KATNIP: variants seen among roughly 807,000 people sequenced by gnomAD.
The protein encoded by KATNIP is katanin-interacting protein.
Under a neutral mutation model 174.0 loss-of-function variants are expected in KATNIP, and 126 were observed. That is an observed-to-expected ratio of 0.72 (90% confidence interval 0.63 to 0.84). The LOEUF (loss-of-function observed/expected upper bound fraction) is 0.84, where lower values mean the gene tolerates loss of function less well. KATNIP is among the 40% of genes least tolerant of loss of function. KATNIP has a pLI of 0.00. For missense variants in KATNIP, 1,958 were observed against 2,109.7 expected (o/e 0.93, Z 1.41); for synonymous variants, 810 against 835.7 (o/e 0.97, Z 0.53).
intron 6 of KATNIP, among the ~76,000 whole-genome samples, chr16:27,655,177 GATATATATATATATATATATATAT>G (rs869205308): frequency 0.035 from 1,346 of 38,566 alleles, 65 homozygotes; most frequent in East Asian, 0.062. Flanking sequence ...CCCTAGAATG[GATATATATATATATATATATATAT>G]ATATATATAT....
intron 7 of KATNIP, chr16:27,681,046 G>A (rs1415610769): frequency 3.5e-5 from 10 of 282,742 alleles, no homozygotes; most frequent in South Asian, 3.1e-4. Context: ...TACCTAGGCT[G>A]GTCTTTATCT....
intron 8 of KATNIP, among the ~76,000 whole-genome samples, chr16:27,688,043 C>A (rs960948091): frequency 6.6e-6 from 1 of 152,210 alleles, no homozygotes; most frequent in Non-Finnish European, 1.5e-5. Flanking sequence ...CTCAGATGGT[C>A]TCTCGGGAAG....
intron 8 of KATNIP, among the ~76,000 whole-genome samples, chr16:27,682,764 G>A (rs1227958853): frequency 6.6e-6 from 1 of 152,190 alleles, no homozygotes; most frequent in African/African-American, 2.4e-5. Flanking sequence ...AATCCCCAAT[G>A]TGGCAATACT....
At chr16:27,712,065 A>G (rs2079598614) in intron 13 of KATNIP, among the ~76,000 whole-genome samples, 1 of 152,228 alleles carries the variant, frequency 6.6e-6, no homozygotes, top group South Asian at 2.1e-4. Flanking sequence ...AGAGACAATA[A>G]AAAGCATCAC....
At chr16:27,669,495 G>GT (rs983567099) in intron 6 of KATNIP, among the ~76,000 whole-genome samples, 13 of 152,334 alleles carry the variant, frequency 8.5e-5, no homozygotes, top group African/African-American at 2.9e-4. Flanking sequence ...TATAAAGTAT[G>GT]TTTTTTCAGA....
chr16:27,550,297 GT>G lies in KATNIP; in HGVS notation c.7+121del. On this transcript the variant is annotated intron_variant, in intron 1 of 27. Coordinates refer to ENST00000261588, the MANE Select transcript of KATNIP (RefSeq NM_015202.5). ...GACCACCACTTCCTGACCCAAGGGG[GT>G]CTCCGAAATGAGGGATAGGGAGGCT... 3 of 1,178,238 alleles carry G rather than the reference GT, an allele frequency of 2.5e-6. No homozygotes were observed. In the South Asian group the frequency reaches 4.4e-5, roughly 17 times the overall value. The allele number at this position is 1,178,238 out of a possible 1,614,324, so 73.0% of individuals were successfully genotyped here.
At chr16:27,628,043 T>G (rs2076383660) in intron 3 of KATNIP, among the ~76,000 whole-genome samples, 1 of 152,228 alleles carries the variant, frequency 6.6e-6, no homozygotes, top group African/African-American at 2.4e-5. Context: ...TTGTTAACCT[T>G]GAACCAACGC....
chr16:27,769,669 G>A (rs568485008), intron 20 of KATNIP, among the ~76,000 whole-genome samples, 192 bp from the exon 21 acceptor site: 9 of 152,322 alleles, frequency 5.9e-5, no homozygotes, highest in Admixed American at 1.3e-4. Flanking sequence ...CAGGGGGCTC[G>A]CCTGTCTTGT....
rs529195385 is a variant in KATNIP at position 27,743,690 on chromosome 16, T to C, written c.2623+2770T>C. On this transcript the variant is annotated intron_variant, in intron 15 of 27. Coordinates refer to ENST00000261588, the MANE Select transcript of KATNIP (RefSeq NM_015202.5). ...TTACCCAAATAACCTCCCAACAGAC[T>C]CATTTTACAGATAAAGGGAACATGA... 4.6e-5 allele frequency among the ~76,000 whole-genome samples: 7 copies of C among 152,290 alleles called. No homozygotes were observed. The East Asian group carries it at 1.3e-3, about 29-fold the overall frequency.
In KATNIP at chr16:27,625,271, C is replaced by T. The variant is rs144214015; in HGVS notation, c.141-3390C>T. 2.1e-4 allele frequency among the ~76,000 whole-genome samples: 32 copies of T among 152,246 alleles called. No homozygotes were observed. In the East Asian group the frequency reaches 6.2e-3, roughly 29 times the overall value. On this transcript the variant is annotated intron_variant, in intron 3 of 27. Coordinates refer to ENST00000261588, the MANE Select transcript of KATNIP (RefSeq NM_015202.5). Reference sequence around the variant, plus strand: ...TCTACATTTTCATAAATCATTCTGCCTAAGGAGGGGCACCCGTGGACTGCC... The same window carrying T: ...TCTACATTTTCATAAATCATTCTGCTTAAGGAGGGGCACCCGTGGACTGCC...
At chr16:27,715,712 G>A (rs995194678) in intron 13 of KATNIP, among the ~76,000 whole-genome samples, 2 of 152,124 alleles carry the variant, frequency 1.3e-5, no homozygotes, top group African/African-American at 4.8e-5. Context: ...AGTTGTTAGG[G>A]AAATGCAAAT....
chr16:27,636,960 T>C lies in KATNIP; in HGVS notation c.408+5798T>C, dbSNP rs181134775. ...GGCTAAGAGCATAGACCCTGGAACC[T>C]TCCAGCAGCCCCAGTGCAAAGCCTT... On this transcript the variant is annotated intron_variant, in intron 5 of 27. Coordinates refer to ENST00000261588, the MANE Select transcript of KATNIP (RefSeq NM_015202.5). Among the ~76,000 whole-genome samples, 244 of 152,374 alleles carry C rather than the reference T, an allele frequency of 1.6e-3. 2 individuals are homozygous for C. Among genetic ancestry groups the C allele is most frequent in the African/African-American group, 5.4e-3 (225 of 41,596 alleles).
chr16:27,777,503 C>A lies in KATNIP; in HGVS notation c.4552-107C>A. On this transcript the variant is annotated intron_variant, in intron 25 of 27. Transcript: ENST00000261588. This position sits in a 1 kb window ranked among gnomAD's most constrained non-coding sequence, Gnocchi z 4.4. ...AGTAGGCGCTTGTTCCTGACAGCCC[C>A]GTCTTCCCGAGGAGAAAGCCTTGGC... is the stretch of plus-strand genomic sequence containing the variant. 2.8e-6 allele frequency: 3 copies of A among 1,076,590 alleles called. No homozygotes were observed. The highest frequency in any genetic ancestry group is 3.9e-6 in the Non-Finnish European group (3 of 761,366). 66.7% of individuals were successfully genotyped at this position (1,076,590 alleles called of 1,614,324 possible).
At chr16:27,693,272 G>A (rs1256240122) in intron 8 of KATNIP, among the ~76,000 whole-genome samples, 5 of 152,182 alleles carry the variant, frequency 3.3e-5, no homozygotes, top group Non-Finnish European at 7.3e-5. Context: ...TCCAGTGGGC[G>A]AGCAGAATCC....
chr16:27,611,420 G>C (rs2075885749), intron 2 of KATNIP, among the ~76,000 whole-genome samples: 1 of 152,266 alleles, frequency 6.6e-6, no homozygotes, highest in African/African-American at 2.4e-5. Context: ...AGGGTTAACT[G>C]AATTAGGCAC....
At position 27,655,156 on chromosome 16, in the gene KATNIP, G is replaced by A. The variant is rs2077226730; in HGVS notation, c.540+6421G>A. 2.4e-5 allele frequency among the ~76,000 whole-genome samples: 3 copies of A among 123,828 alleles called. No homozygotes were observed. In the South Asian group the frequency reaches 8.0e-4, roughly 33 times the overall value. The allele number at this position is 123,828 out of a possible 152,430, so 81.2% of individuals were successfully genotyped here. A position where few individuals can be genotyped will look rare whatever the true frequency, so the allele number is the denominator to read the frequency against. ...AACAAATATACAAACAAAAACCGCT[G>A]GGCTGCTACCCCCTAGAATGGATAT... is the stretch of plus-strand genomic sequence containing the variant. On this transcript the variant is annotated intron_variant, in intron 6 of 27. Coordinates refer to ENST00000261588, the MANE Select transcript of KATNIP (RefSeq NM_015202.5).
chr16:27,594,599 A>G (rs190423930), intron 2 of KATNIP, among the ~76,000 whole-genome samples: 6 of 152,118 alleles, frequency 3.9e-5, no homozygotes, highest in East Asian at 3.9e-4. Flanking sequence ...CTGGAGTTCA[A>G]TAAAGCTTGG....
chr16:27,602,895 C>T (rs370051614), intron 2 of KATNIP, among the ~76,000 whole-genome samples: 5 of 152,164 alleles, frequency 3.3e-5, no homozygotes, highest in African/African-American at 9.7e-5. Flanking sequence ...AACAGGGTTT[C>T]GCCATTTTGG....
chr16:27,591,278 G>A (rs1458152643), intron 2 of KATNIP, among the ~76,000 whole-genome samples: 2 of 151,652 alleles, frequency 1.3e-5, no homozygotes, highest in African/African-American at 2.4e-5. Flanking sequence ...TCCGCCTCCC[G>A]GGTTCAAGCA....
Sources: allele counts gnomAD v4.1 joint callset (sites outside exome capture counted in the v4.1 genomes callset), GRCh38; gene constraint gnomAD v4.1.1; non-coding constraint Gnocchi (gnomAD v3.1); transcripts MANE v1.5; gene names NCBI Gene and HGNC (gene_info 2026-07-23, HGNC 2026-07-21).